RLF: variants seen among roughly 807,000 people sequenced by gnomAD.
RLF encodes the protein zinc finger protein Rlf.
In RLF, 7 loss-of-function variants were observed where a neutral mutation model predicts 162.9. The observed-to-expected ratio is 0.04, with a 90% CI of 0.02 to 0.08. The LOEUF is 0.08. Ranked by LOEUF, RLF falls within the 10% of genes least tolerant of loss-of-function variation. The pLI, the probability that RLF is intolerant of heterozygous loss-of-function variation, is 1.00. For missense variants in RLF, 1,664 were observed against 2,244.7 expected, an observed-to-expected ratio of 0.74 and a Z score of 5.23; for synonymous variants, 782 against 791.5, an observed-to-expected ratio of 0.99 and a Z score of 0.20.
Position 40,239,313 on chromosome 1 carries a change from C to A in RLF, c.4611C>A (p.Leu1537=), listed in dbSNP as rs375230689. Residue 1537 remains leucine, a synonymous_variant, in exon 8 of 8, where the codon CTC becomes CTA. Transcript: ENST00000372771. ...PISFKTRAEA[L]HMCVEHSEHT... The stretch of plus-strand genomic sequence containing the variant: ...GTTTTAAAACCAGAGCTGAGGCCCT[C>A]CATATGTGTGTGGAGCACTCTGAGC... 4 of 1,613,960 alleles carry A rather than the reference C, an allele frequency of 2.5e-6. No individual in the cohort carries two copies. The African/African-American group carries it at 4.0e-5, about 16-fold the overall frequency.
chr1:40,169,662 T>A (rs1570512435), intron 1 of RLF, among the ~76,000 whole-genome samples: 6 of 140,016 alleles, frequency 4.3e-5, no homozygotes, highest in Admixed American at 7.2e-5. Flanking sequence ...CTTCTTGAAA[T>A]AAGGGTTCTA....
intron 6 of RLF, among the ~76,000 whole-genome samples, chr1:40,228,641 A>G (rs1055401636): frequency 1.3e-5 from 2 of 152,016 alleles, no homozygotes; most frequent in Non-Finnish European, 2.9e-5. Flanking sequence ...TACCACTTTA[A>G]TGGATTTACC....
chr1:40,216,119 GA>G (rs1642920901), intron 5 of RLF, among the ~76,000 whole-genome samples: 2 of 152,020 alleles, frequency 1.3e-5, no homozygotes, highest in African/African-American at 4.8e-5. Context: ...GATTATAAAG[GA>G]ATACTCTGAA....
chr1:40,214,948 A>G (rs1206613703), intron 5 of RLF, among the ~76,000 whole-genome samples: 6 of 146,204 alleles, frequency 4.1e-5, no homozygotes, highest in African/African-American at 7.6e-5. Flanking sequence ...AAAAAAAACT[A>G]AAGTATGAGA....
intron 7 of RLF, among the ~76,000 whole-genome samples, chr1:40,233,439 T>C (rs1365602796): frequency 2.0e-5 from 3 of 152,252 alleles, no homozygotes; most frequent in African/African-American, 7.2e-5. Flanking sequence ...AAGGAGTTAG[T>C]AACTTGTTGA....
At chr1:40,168,656 C>T (rs568720553) in intron 1 of RLF, among the ~76,000 whole-genome samples, 1 of 152,220 alleles carries the variant, frequency 6.6e-6, no homozygotes, top group Non-Finnish European at 1.5e-5. Context: ...ATTTTTATTA[C>T]ATAGTAAAAT....
rs531027070 is a variant in RLF at position 40,239,589 on chromosome 1, G to A, written c.4887G>A (p.Pro1629=). 3.1e-5 allele frequency: 50 copies of A among 1,614,098 alleles called. No individual in the cohort carries two copies. Among genetic ancestry groups the A allele is most frequent in the Admixed American group, 2.8e-4 (17 of 60,006 alleles). ...ESERTEHSHS[P]GDSSAPIQNT... ...AGCGCACAGAACACAGCCATTCCCC[G>A]GGTGACAGTAGTGCACCCATCCAGA... The change falls in exon 8 of 8, where the codon CCG becomes CCA. Residue 1629 remains proline, a synonymous_variant. Coordinates refer to ENST00000372771, the MANE Select transcript of RLF (RefSeq NM_012421.4).
chr1:40,222,813 C>A (rs1004115453), intron 6 of RLF, 103 bp downstream of exon 6: 9 of 918,518 alleles, frequency 9.8e-6, no homozygotes, highest in Non-Finnish European at 1.5e-5. Context: ...CCTAGCATGA[C>A]CTGTGAATAG....
intron 1 of RLF, among the ~76,000 whole-genome samples, chr1:40,186,590 T>C (rs919545920): frequency 6.6e-6 from 1 of 152,214 alleles, no homozygotes; most frequent in Non-Finnish European, 1.5e-5. Flanking sequence ...CCCATCTGTA[T>C]GCACTCTGTC....
intron 5 of RLF, among the ~76,000 whole-genome samples, chr1:40,221,469 A>G (rs2124553211): frequency 6.6e-6 from 1 of 152,294 alleles, no homozygotes; most frequent in African/African-American, 2.4e-5. Context: ...TAAGAAAATA[A>G]CATTTGAGCT....
At chr1:40,199,965 A>G (rs1490353693) in intron 4 of RLF, among the ~76,000 whole-genome samples, 3 of 152,216 alleles carry the variant, frequency 2.0e-5, no homozygotes, top group South Asian at 4.1e-4. Context: ...ATTGCTGAAA[A>G]TAGAAGTAGG....
intron 6 of RLF, among the ~76,000 whole-genome samples, chr1:40,227,810 C>T (rs186969169): frequency 1.3e-5 from 2 of 152,202 alleles, no homozygotes; most frequent in Non-Finnish European, 2.9e-5. Context: ...CAAGACCAAC[C>T]TGGCCAAGAT....
At chr1:40,209,614 A>G (rs903112383) in intron 5 of RLF, among the ~76,000 whole-genome samples, 1 of 152,232 alleles carries the variant, frequency 6.6e-6, no homozygotes, top group African/African-American at 2.4e-5. Context: ...AGAGTGGCTC[A>G]TGCCTGTAAT....
intron 1 of RLF, among the ~76,000 whole-genome samples, chr1:40,187,423 G>A (rs1642497297): frequency 6.6e-6 from 1 of 152,180 alleles, no homozygotes; most frequent in Non-Finnish European, 1.5e-5. Flanking sequence ...GGATTGCTTA[G>A]GGGTCAGTTT....
intron 2 of RLF, among the ~76,000 whole-genome samples, chr1:40,190,322 A>C (rs1642538661): frequency 6.6e-6 from 1 of 152,200 alleles, no homozygotes; most frequent in South Asian, 2.1e-4. Context: ...CAGGTAAAGA[A>C]ACGACTTTGC....
In RLF at chr1:40,161,950, C is replaced by G. The variant is rs1373192249; in HGVS notation, c.237+314C>G. Among the ~76,000 whole-genome samples, 1 of 152,188 alleles carries G rather than the reference C, an allele frequency of 6.6e-6. No individual in the cohort carries two copies. The highest frequency in any genetic ancestry group is 1.5e-5 in the Non-Finnish European group (1 of 68,040). On this transcript the variant is annotated intron_variant, in intron 1 of 7. Transcript: ENST00000372771. This position sits in a 1 kb window ranked among gnomAD's most constrained non-coding sequence, Gnocchi z 4.4. ...CCGGGTGGTTGGAGCGCCACTGCCC[C>G]CTGAGGGATTGATTGCTTGTCCCTG... is the stretch of plus-strand genomic sequence containing the variant.
rs769259484 is a variant in RLF at position 40,237,210 on chromosome 1, A to G, written c.2508A>G (p.Lys836=). 1.9e-6 allele frequency: 3 copies of G among 1,613,958 alleles called. No homozygotes were observed. Among genetic ancestry groups the G allele is most frequent in the South Asian group, 1.1e-5 (1 of 91,062 alleles). ...NVENSNGDIK[K]SVKLEESATG... ...AAAATTCAAATGGAGACATAAAGAA[A>G]TCAGTGAAACTTGAGGAGTCTGCAA... Residue 836 remains lysine (K), a synonymous_variant, in exon 8 of 8, where the codon AAA becomes AAG. Coordinates refer to ENST00000372771, the MANE Select transcript of RLF (RefSeq NM_012421.4). The surrounding 1 kb of genome is among the most constrained non-coding windows in gnomAD (Gnocchi z 4.4).
chr1:40,221,051 G>C (rs565508648), intron 5 of RLF, among the ~76,000 whole-genome samples: 17 of 151,382 alleles, frequency 1.1e-4, no homozygotes, highest in African/African-American at 4.1e-4. Context: ...AGGATCGCTT[G>C]AGCCCAGAAG....
Position 40,165,172 on chromosome 1 carries a change from A to T in RLF, c.237+3536A>T, listed in dbSNP as rs117300310. Among the ~76,000 whole-genome samples, 554 of 152,330 alleles carry T rather than the reference A, an allele frequency of 3.6e-3. 13 individuals carry two copies. Among genetic ancestry groups the T allele is most frequent in the East Asian group, 0.032 (164 of 5,190 alleles). ...TCCAGATTTCTTAGCTTTGTAATAA[A>T]AAGTTTTCACAACCTTGGTCTCAGC... On this transcript the variant is annotated intron_variant, in intron 1 of 7. Transcript: ENST00000372771.
Sources: allele counts gnomAD v4.1 joint callset (sites outside exome capture counted in the v4.1 genomes callset), GRCh38; gene constraint gnomAD v4.1.1; non-coding constraint Gnocchi (gnomAD v3.1); transcripts MANE v1.5; gene names NCBI Gene and HGNC (gene_info 2026-07-23, HGNC 2026-07-21).